SHCBP1: variants seen among roughly 807,000 people sequenced by gnomAD.
The protein encoded by SHCBP1 is SHC SH2 domain-binding protein 1.
A neutral mutation model predicts 75.1 loss-of-function variants in SHCBP1; 60 were observed. The ratio of observed to expected loss-of-function variants is 0.80; its 90% CI spans 0.65 to 0.99. SHCBP1 has a LOEUF of 0.99. SHCBP1 is among the 50% of genes least tolerant of loss of function. SHCBP1 has a pLI of 0.00. For synonymous variants in SHCBP1, 290 were observed against 293.2 expected (o/e 0.99, Z 0.11); for missense variants, 709 against 809.4 (o/e 0.88, Z 1.50).
intron 6 of SHCBP1, 33 bp downstream of exon 6, chr16:46,604,195 C>G (rs1014874168): frequency 6.8e-6 from 11 of 1,612,540 alleles, no homozygotes; most frequent in Non-Finnish European, 8.5e-6. Flanking sequence ...AGAAAAGATG[C>G]TGACTAACTA....
rs1026296932 is a variant in SHCBP1, at chr16:46,579,876, C to T, written c.*1853G>A. The stretch of plus-strand genomic sequence containing the variant: ...CCAGGAGACTGAGGTTGCAATGAGC[C>T]GAGATCATGCCACTGCACTCCAGCC... On this transcript the variant is annotated 3_prime_UTR_variant, in exon 13 of 13. Coordinates refer to ENST00000303383, the MANE Select transcript of SHCBP1 (RefSeq NM_024745.5). Among the ~76,000 whole-genome samples the T allele has an allele frequency of 6.6e-6, 1 of 151,850 alleles. No individual in the cohort carries two copies. Among genetic ancestry groups the T allele is most frequent in the Non-Finnish European group, 1.5e-5 (1 of 67,980 alleles).
At chr16:46,615,790 T>C (rs1198865819) in intron 4 of SHCBP1, among the ~76,000 whole-genome samples, 156 bp downstream of exon 4, 1 of 152,172 alleles carries the variant, frequency 6.6e-6, no homozygotes, top group Middle Eastern at 3.2e-3. Flanking sequence ...TTTTTTTTAA[T>C]TTAAAAAAGA....
chr16:46,611,153 G>A (rs2143001510), intron 4 of SHCBP1, among the ~76,000 whole-genome samples: 1 of 152,342 alleles, frequency 6.6e-6, no homozygotes, highest in African/African-American at 2.4e-5. Flanking sequence ...GAGTGTGGGT[G>A]TGTGAGTGCA....
intron 4 of SHCBP1, among the ~76,000 whole-genome samples, chr16:46,614,614 G>C (rs1479011178): frequency 6.6e-6 from 1 of 152,074 alleles, no homozygotes; most frequent in Non-Finnish European, 1.5e-5. Context: ...CTCACAGGCA[G>C]GAATACATCC....
chr16:46,602,821 G>A (rs1450084980), intron 8 of SHCBP1, among the ~76,000 whole-genome samples: 2 of 152,036 alleles, frequency 1.3e-5, no homozygotes, highest in African/African-American at 4.8e-5. Flanking sequence ...AGTACCGACG[G>A]GGTTTCACCA....
chr16:46,605,580 GC>G (rs533198466), intron 5 of SHCBP1, among the ~76,000 whole-genome samples: 80 of 152,120 alleles, frequency 5.3e-4, no homozygotes, highest in Non-Finnish European at 9.1e-4. Context: ...GGGCAACAGA[GC>G]AAGACCCTGT....
At chr16:46,602,513 T>C (rs1041434617) in intron 8 of SHCBP1, among the ~76,000 whole-genome samples, 1 of 152,236 alleles carries the variant, frequency 6.6e-6, no homozygotes, top group Non-Finnish European at 1.5e-5. Context: ...TTTTGATAAA[T>C]AGTTGAACAG....
chr16:46,581,206 A>C lies in SHCBP1; in HGVS notation c.*523T>G, dbSNP rs1463706031. ...ATAGCTCAACAGAAAAATGCGTCCC[A>C]TTGACGTCTCAATAATAAGTCTGAT... On this transcript the variant is annotated 3_prime_UTR_variant, in exon 13 of 13. Transcript: ENST00000303383. 6.5e-6 allele frequency: 1 copy of C among 153,998 alleles called. No homozygotes were observed. The allele number at this position is 153,998 out of a possible 1,614,324, so 9.5% of individuals were successfully genotyped here. A position where few individuals can be genotyped will look rare whatever the true frequency, so the allele number is the denominator to read the frequency against.
At chr16:46,595,838 T>C (rs542605000) in intron 9 of SHCBP1, among the ~76,000 whole-genome samples, 168 bp from the exon 10 acceptor site, 1 of 152,348 alleles carries the variant, frequency 6.6e-6, no homozygotes, top group East Asian at 1.9e-4. Context: ...ATGACTATTT[T>C]GAGTTATTTT....
chr16:46,584,795 T>C (rs1274457057), intron 10 of SHCBP1, among the ~76,000 whole-genome samples: 2 of 152,202 alleles, frequency 1.3e-5, no homozygotes, highest in African/African-American at 4.8e-5. Context: ...AATGATTCAC[T>C]CAAACCTCTA....
At chr16:46,602,456 GAT>G (rs1278479277) in intron 8 of SHCBP1, among the ~76,000 whole-genome samples, 1 of 152,090 alleles carries the variant, frequency 6.6e-6, no homozygotes, top group Admixed American at 6.5e-5. Flanking sequence ...GTCCCAAAAT[GAT>G]ATATGATTTT....
chr16:46,610,544 A>ATTTTCTTTTTTTTTTTTTTTT (rs1965397169), intron 4 of SHCBP1, among the ~76,000 whole-genome samples: 1 of 31,088 alleles, frequency 3.2e-5, no homozygotes, highest in Non-Finnish European at 5.7e-5. Context: ...CATGGGGTCA[A>ATTTTCTTTTTTTTTTTTTTTT]TTTTTTTTTT....
chr16:46,595,197 T>A (rs145033726), intron 10 of SHCBP1, among the ~76,000 whole-genome samples: 3 of 152,252 alleles, frequency 2.0e-5, no homozygotes, highest in East Asian at 3.9e-4. Flanking sequence ...ATTCTGGTTG[T>A]GATGTTGCAC....
In SHCBP1 at chr16:46,579,055, G is replaced by A. The variant is rs1964832653; in HGVS notation, c.*2674C>T. Reference sequence around the variant, plus strand: ...ATATATTCGTGTTAATATCTATGGTGCAATAATACAACAAGAAACTGAAGA... The same window carrying A: ...ATATATTCGTGTTAATATCTATGGTACAATAATACAACAAGAAACTGAAGA... On this transcript the variant is annotated 3_prime_UTR_variant, in exon 13 of 13. Coordinates refer to ENST00000303383, the MANE Select transcript of SHCBP1 (RefSeq NM_024745.5). 6.6e-6 allele frequency among the ~76,000 whole-genome samples: 1 copy of A among 152,130 alleles called. No individual in the cohort carries two copies. The highest frequency in any genetic ancestry group is 2.4e-5 in the African/African-American group (1 of 41,416).
At chr16:46,594,613 G>T (rs1965105136) in intron 10 of SHCBP1, among the ~76,000 whole-genome samples, 1 of 152,006 alleles carries the variant, frequency 6.6e-6, no homozygotes, top group South Asian at 2.1e-4. Flanking sequence ...TTGAGGACAT[G>T]GAGAAACTAG....
At position 46,581,559 on chromosome 16, in the gene SHCBP1, G is replaced by C. The variant is rs1051806820; in HGVS notation, c.*170C>G. 2.7e-5 allele frequency: 16 copies of C among 587,464 alleles called. No homozygotes were observed. Among genetic ancestry groups the C allele is most frequent in the African/African-American group, 2.4e-4 (13 of 53,108 alleles). 36.4% of individuals were successfully genotyped at this position (587,464 alleles called of 1,614,324 possible). ...GCATTTATGATTTTTCTTATAAAGA[G>C]GGAGTGTTTTATGTGCAACACCTGC... is the stretch of plus-strand genomic sequence containing the variant. On this transcript the variant is annotated 3_prime_UTR_variant, in exon 13 of 13. Coordinates refer to ENST00000303383, the MANE Select transcript of SHCBP1 (RefSeq NM_024745.5).
In SHCBP1 at chr16:46,583,985, G is replaced by A. The variant is rs1328668496; in HGVS notation, c.1551+18C>T. 4.4e-6 allele frequency: 7 copies of A among 1,589,960 alleles called. No individual in the cohort carries two copies. The highest frequency in any genetic ancestry group is 6.0e-6 in the Non-Finnish European group (7 of 1,165,044). On this transcript the variant is annotated intron_variant, in intron 11 of 12. Transcript: ENST00000303383. ...CCATTCTATCCATTGAAAAGTGGGT[G>A]TTTTGGCTGATGCTCACCTTAATGA... is the stretch of plus-strand genomic sequence containing the variant.
At chr16:46,603,400 G>A in intron 8 of SHCBP1, 139 bp downstream of exon 8, 1 of 1,224,396 alleles carries the variant, frequency 8.2e-7, no homozygotes, top group Non-Finnish European at 1.2e-6. Flanking sequence ...AGCTTTCCAT[G>A]TCCTTAATGT....
rs1965500727 is a variant in SHCBP1, at chr16:46,616,393, G to A, written c.388-239C>T. 6.6e-6 allele frequency among the ~76,000 whole-genome samples: 1 copy of A among 152,188 alleles called. No individual in the cohort carries two copies. Among genetic ancestry groups the A allele is most frequent in the Non-Finnish European group, 1.5e-5 (1 of 68,028 alleles). ...GTGACAGAGAATAACTAGCAGGGGT[G>A]GGGATCTTGTTCTGCTGAGATGGGC... is the stretch of plus-strand genomic sequence containing the variant. On this transcript the variant is annotated intron_variant, in intron 3 of 12. Coordinates refer to ENST00000303383, the MANE Select transcript of SHCBP1 (RefSeq NM_024745.5). This position sits in a 1 kb window ranked among gnomAD's most constrained non-coding sequence, Gnocchi z 4.4.
Sources: allele counts gnomAD v4.1 joint callset (sites outside exome capture counted in the v4.1 genomes callset), GRCh38; gene constraint gnomAD v4.1.1; non-coding constraint Gnocchi (gnomAD v3.1); transcripts MANE v1.5; gene names NCBI Gene and HGNC (gene_info 2026-07-23, HGNC 2026-07-21).